KALRN: variants seen among roughly 807,000 people sequenced by gnomAD.
KALRN encodes kalirin.
Under a neutral mutation model 353.7 loss-of-function variants are expected in KALRN, and 70 were observed. The observed-to-expected ratio is 0.20, with a 90% confidence interval of 0.16 to 0.24. The LOEUF is 0.24. Ranked by LOEUF, KALRN falls within the 10% of genes least tolerant of loss-of-function variation. KALRN has a pLI of 1.00. For missense variants in KALRN, 2,791 were observed against 3,756.7 expected, an observed-to-expected ratio of 0.74 and a Z score of 6.72; for synonymous variants, 1,391 against 1,434.8, an observed-to-expected ratio of 0.97 and a Z score of 0.69.
chr3:124,136,450 T>G (rs781492652), intron 1 of KALRN, among the ~76,000 whole-genome samples: 3 of 152,168 alleles, frequency 2.0e-5, no homozygotes, highest in Non-Finnish European at 4.4e-5. Context: ...GAGGCACTTG[T>G]TCATTACATG....
At chr3:124,404,834 A>C (rs371061663) in intron 13 of KALRN, among the ~76,000 whole-genome samples, 134 of 152,240 alleles carry the variant, frequency 8.8e-4, no homozygotes, top group Non-Finnish European at 1.8e-3. Flanking sequence ...AGTCACTGTT[A>C]GCTGTGGATC....
chr3:124,372,432 C>T (rs75248859), intron 10 of KALRN, among the ~76,000 whole-genome samples: 3,316 of 152,004 alleles, frequency 0.022, 125 homozygotes, highest in East Asian at 0.1. Flanking sequence ...AATTCCAGAT[C>T]AACATCAACT....
In KALRN at chr3:124,633,853, G is replaced by A. The variant is rs1257169358; in HGVS notation, c.5468G>A (p.Ser1823Asn). ...AATGCTGCTCTTTTGTTCTAGAAGA[G>A]CAAGAAAGGTTGGGGTGAAGATGAG... ...TTPQGDSADE[S>N]KKGWGEDEPD... The change falls in exon 36 of 60, where the codon AGC becomes AAC. Residue 1823 changes from serine (S) to asparagine (N), a missense_variant and splice_region_variant. Coordinates refer to ENST00000682506, the MANE Select transcript of KALRN (RefSeq NM_001388419.1). The A allele has an allele frequency of 1.9e-6, 3 of 1,613,500 alleles. No individual in the cohort carries two copies. The African/African-American group carries it at 4.0e-5, about 22-fold the overall frequency.
rs3054177 is a variant in KALRN, at chr3:124,265,298, C to CTT, written c.456+621_456+622dup. Among the ~76,000 whole-genome samples, 31 of 73,124 alleles carry CTT rather than the reference C, an allele frequency of 4.2e-4. 8 individuals are homozygous for CTT. Among genetic ancestry groups the CTT allele is most frequent in the Admixed American group, 1.6e-3 (9 of 5,696 alleles). The allele number at this position is 73,124 out of a possible 152,430, so 48.0% of individuals were successfully genotyped here. A position where few individuals can be genotyped will look rare whatever the true frequency, so the allele number is the denominator to read the frequency against. ...CTAGTAACTAATTTAAGAAAATATTCTTTTTTTTTTTTTTGAGATAGAGTC... is the reference window on the plus strand; with the variant it reads ...CTAGTAACTAATTTAAGAAAATATTCTTTTTTTTTTTTTTTTGAGATAGAGTC... On this transcript the variant is annotated intron_variant, in intron 4 of 59. Transcript: ENST00000682506.
At chr3:124,405,470 C>T (rs1166684019) in intron 13 of KALRN, among the ~76,000 whole-genome samples, 6 of 152,128 alleles carry the variant, frequency 3.9e-5, no homozygotes, top group African/African-American at 9.6e-5. Context: ...GAGCAATATA[C>T]GTTATAGGAG....
intron 57 of KALRN, among the ~76,000 whole-genome samples, chr3:124,708,320 A>G (rs1428368911): frequency 6.6e-6 from 1 of 152,220 alleles, no homozygotes; most frequent in African/African-American, 2.4e-5. Flanking sequence ...ACATGATCCA[A>G]ATATTGGAAC....
At chr3:124,632,312 A>G (rs891002937) in intron 34 of KALRN, 108 bp from the exon 35 acceptor site, 4 of 1,084,352 alleles carry the variant, frequency 3.7e-6, no homozygotes, top group Non-Finnish European at 2.7e-6. Context: ...GCTGGCCTGG[A>G]CATTCTGCCT....
At chr3:124,041,866 G>A (rs1416032300) in intron 1 of KALRN, among the ~76,000 whole-genome samples, 1 of 152,202 alleles carries the variant, frequency 6.6e-6, no homozygotes, top group Non-Finnish European at 1.5e-5. Flanking sequence ...GGAACAGAAA[G>A]AATCAAATGG....
chr3:124,565,029 C>T (rs2072624824), intron 34 of KALRN, among the ~76,000 whole-genome samples: 1 of 152,206 alleles, frequency 6.6e-6, no homozygotes, highest in Admixed American at 6.5e-5. Flanking sequence ...CTGCAGGCTT[C>T]CTGATGGTTA....
At chr3:124,223,333 T>C (rs1339704689) in intron 1 of KALRN, among the ~76,000 whole-genome samples, 3 of 152,138 alleles carry the variant, frequency 2.0e-5, no homozygotes, top group Non-Finnish European at 4.4e-5. Flanking sequence ...CACCTCTCAA[T>C]TGTAAGCCAG....
At chr3:124,065,928 T>C (rs1418095501) in intron 1 of KALRN, among the ~76,000 whole-genome samples, 1 of 152,214 alleles carries the variant, frequency 6.6e-6, no homozygotes, top group Non-Finnish European at 1.5e-5. Context: ...ACATAACTTT[T>C]CTGGAAGCCA....
At position 124,660,771 on chromosome 3, in the gene KALRN, A is replaced by G; in HGVS notation, c.6217-152A>G. On this transcript the variant is annotated intron_variant, in intron 43 of 59. Transcript: ENST00000682506. ...TGTTATTACATCTTACATGACTCAT[A>G]ATTTCATTTCTCAGCTACTCTACAC... 6.8e-6 allele frequency: 4 copies of G among 587,024 alleles called. No homozygotes were observed. In the South Asian group the frequency reaches 8.6e-5, roughly 13 times the overall value. 36.4% of individuals were successfully genotyped at this position (587,024 alleles called of 1,614,324 possible). A position where few individuals can be genotyped will look rare whatever the true frequency, so the allele number is the denominator to read the frequency against.
chr3:124,557,744 G>A (rs1412458017), intron 33 of KALRN, among the ~76,000 whole-genome samples: 3 of 152,178 alleles, frequency 2.0e-5, no homozygotes, highest in Admixed American at 1.3e-4. Context: ...GCCAGGGGAG[G>A]AAGAGGAGGT....
chr3:124,119,029 T>C (rs138911715), intron 1 of KALRN, among the ~76,000 whole-genome samples: 85 of 152,352 alleles, frequency 5.6e-4, no homozygotes, highest in African/African-American at 1.9e-3. Flanking sequence ...CTTTCTTCCT[T>C]CTCTCAACCC....
intron 1 of KALRN, among the ~76,000 whole-genome samples, chr3:124,147,297 T>C (rs1211979279): frequency 6.6e-6 from 1 of 152,156 alleles, no homozygotes; most frequent in African/African-American, 2.4e-5. Flanking sequence ...GAGAAGGCCC[T>C]GCAGATTCAG....
chr3:124,372,206 C>T (rs1228909972), intron 10 of KALRN, among the ~76,000 whole-genome samples: 2 of 152,026 alleles, frequency 1.3e-5, no homozygotes, highest in Non-Finnish European at 2.9e-5. Flanking sequence ...TAAACAATGC[C>T]CTGCATATAA....
At chr3:124,249,038 G>A (rs1249965052) in intron 3 of KALRN, among the ~76,000 whole-genome samples, 1 of 152,244 alleles carries the variant, frequency 6.6e-6, no homozygotes, top group Non-Finnish European at 1.5e-5. Flanking sequence ...TTGGAGGAAA[G>A]CAAGACCATT....
At chr3:124,495,953 A>G (rs1216585477) in intron 32 of KALRN, among the ~76,000 whole-genome samples, 101 of 47,492 alleles carry the variant, frequency 2.1e-3, no homozygotes, top group African/African-American at 1.0e-2. Context: ...AAGTGTGTGT[A>G]TGTGTATGTA....
rs1308145901 is a variant in KALRN at position 124,275,822 on chromosome 3, G to A, written c.969+6567G>A. Among the ~76,000 whole-genome samples the A allele has an allele frequency of 2.5e-5, 3 of 122,370 alleles. No homozygotes were observed. The East Asian group carries it at 7.2e-4, about 30-fold the overall frequency. 80.3% of individuals were successfully genotyped at this position (122,370 alleles called of 152,430 possible). A position where few individuals can be genotyped will look rare whatever the true frequency, so the allele number is the denominator to read the frequency against. On this transcript the variant is annotated intron_variant, in intron 5 of 59. Transcript: ENST00000682506. ...GAAATTATGGTGTAGATTCTTGGGG[G>A]TCCTGCAGGTCACCAGGCTATGCAG...
Sources: allele counts gnomAD v4.1 joint callset (sites outside exome capture counted in the v4.1 genomes callset), GRCh38; gene constraint gnomAD v4.1.1; transcripts MANE v1.5; gene names NCBI Gene and HGNC (gene_info 2026-07-23, HGNC 2026-07-21).